The following PCDHA3 variants were observed in gnomAD, a reference collection of about 807,000 sequenced individuals.
The protein encoded by PCDHA3 is protocadherin alpha 3.
PCDHA3 carries 41 observed loss-of-function variants against 62.2 expected under a neutral mutation model. The ratio of observed to expected loss-of-function variants is 0.66; its 90% CI spans 0.51 to 0.86. The LOEUF is 0.86. Among genes scored for constraint, PCDHA3 ranks in the 40% least tolerant of loss-of-function variants. The pLI, the probability that PCDHA3 is intolerant of heterozygous loss-of-function variation, is 0.00. For synonymous variants in PCDHA3, 640 were observed against 555.4 expected (o/e 1.15, Z -2.14); for missense variants, 1,304 against 1,241.2 (o/e 1.05, Z -0.76).
chr5:140,890,739 C>T (rs1202760840), intron 1 of PCDHA3, among the ~76,000 whole-genome samples: 1 of 152,112 alleles, frequency 6.6e-6, no homozygotes, highest in Non-Finnish European at 1.5e-5. Flanking sequence ...GACTTATATA[C>T]TATTTCTGTC....
At chr5:140,870,568 G>T (rs1554164428) in intron 1 of PCDHA3, 2 of 1,613,870 alleles carry the variant, frequency 1.2e-6, no homozygotes, top group African/African-American at 1.3e-5. Context: ...GAACGCGCTG[G>T]TGTCCTACTC....
At chr5:140,959,373 CA>C (rs1243465116) in intron 1 of PCDHA3, among the ~76,000 whole-genome samples, 26 of 145,126 alleles carry the variant, frequency 1.8e-4, no homozygotes, top group South Asian at 2.2e-4. Flanking sequence ...GACCCTGTCT[CA>C]AAAAAAAAAG....
At chr5:140,833,459 T>TAA (rs1554133849) in intron 1 of PCDHA3, among the ~76,000 whole-genome samples, 3 of 152,166 alleles carry the variant, frequency 2.0e-5, no homozygotes, top group Non-Finnish European at 4.4e-5. Flanking sequence ...TAAAATAAAC[T>TAA]TACATTTTAA....
intron 3 of PCDHA3, among the ~76,000 whole-genome samples, chr5:141,005,998 G>A (rs1289174174): frequency 1.3e-5 from 2 of 151,618 alleles, no homozygotes; most frequent in Non-Finnish European, 2.9e-5. Flanking sequence ...GGATCTGAAA[G>A]AAGGCCTGTA....
At chr5:140,814,652 A>C (rs1002175357) in intron 1 of PCDHA3, 2 of 152,004 alleles carry the variant, frequency 1.3e-5, no homozygotes, top group African/African-American at 2.4e-5. Context: ...TTACACCAAC[A>C]TCACCACAAA....
chr5:140,829,379 G>T (rs150962684), intron 1 of PCDHA3: 1 of 1,614,184 alleles, frequency 6.2e-7, no homozygotes, highest in Non-Finnish European at 8.5e-7. Context: ...CGCGCGGGAC[G>T]GGGGCTCGCC....
intron 1 of PCDHA3, among the ~76,000 whole-genome samples, chr5:140,896,910 T>C (rs1174063416): frequency 1.3e-5 from 2 of 152,208 alleles, no homozygotes; most frequent in Non-Finnish European, 2.9e-5. Context: ...AAGCATGCAA[T>C]GCACAATAAT....
intron 1 of PCDHA3, among the ~76,000 whole-genome samples, chr5:140,838,763 C>A (rs1486404457): frequency 6.6e-6 from 1 of 151,830 alleles, no homozygotes; most frequent in Non-Finnish European, 1.5e-5. Context: ...TTTGTAGAGA[C>A]TTTGTAAAAT....
At chr5:140,970,960 G>T (rs3776114) in intron 1 of PCDHA3, among the ~76,000 whole-genome samples, 54,597 of 152,034 alleles carry the variant, frequency 0.36, 10,036 homozygotes, top group Admixed American at 0.46. Context: ...ATGGGAGGCA[G>T]ATTGTAGATT....
intron 3 of PCDHA3, among the ~76,000 whole-genome samples, chr5:141,006,406 G>T (rs553100919): frequency 6.6e-6 from 1 of 151,932 alleles, no homozygotes; most frequent in African/African-American, 2.4e-5. Flanking sequence ...GTAGAGACGC[G>T]GTTTCACTGT....
intron 1 of PCDHA3, among the ~76,000 whole-genome samples, chr5:140,924,369 G>A (rs2081798645): frequency 6.6e-6 from 1 of 152,144 alleles, no homozygotes; most frequent in Admixed American, 6.5e-5. Context: ...AGGCAAACTA[G>A]CCAAGGGGTA....
chr5:140,968,373 C>T (rs1554230649), intron 1 of PCDHA3: 1 of 1,614,034 alleles, frequency 6.2e-7, no homozygotes, highest in African/African-American at 1.3e-5. Context: ...GCTGTCAACT[C>T]CTTTGACTAT....
intron 1 of PCDHA3, among the ~76,000 whole-genome samples, chr5:140,971,488 A>AG (rs1338536132): frequency 1.3e-5 from 2 of 152,222 alleles, no homozygotes; most frequent in African/African-American, 4.8e-5. Flanking sequence ...ACATTGTTAC[A>AG]GTGTGGCAAG....
At chr5:140,849,965 G>C (rs2150460683) in intron 1 of PCDHA3, 1 of 1,597,882 alleles carries the variant, frequency 6.3e-7, no homozygotes, top group East Asian at 2.2e-5. Context: ...ACGCCCTGGT[G>C]TCCTACTCGC....
At chr5:140,883,911 A>G (rs2059884661) in intron 1 of PCDHA3, 2 of 1,613,034 alleles carry the variant, frequency 1.2e-6, no homozygotes, top group Non-Finnish European at 8.5e-7. Flanking sequence ...CTGGGCAGCA[A>G]CGTGACGCTG....
At chr5:140,916,647 C>T (rs2077666767) in intron 1 of PCDHA3, among the ~76,000 whole-genome samples, 1 of 152,180 alleles carries the variant, frequency 6.6e-6, no homozygotes, top group African/African-American at 2.4e-5. Context: ...TGTGGCTGAG[C>T]TGGTATCCAA....
At chr5:140,946,631 T>TATACAC (rs57893927) in intron 1 of PCDHA3, among the ~76,000 whole-genome samples, 2 of 131,842 alleles carry the variant, frequency 1.5e-5, no homozygotes, top group Non-Finnish European at 3.1e-5. Flanking sequence ...TATATATATA[T>TATACAC]ACAATGGAAT....
At chr5:140,932,113 T>G (rs2088043197) in intron 1 of PCDHA3, among the ~76,000 whole-genome samples, 1 of 151,918 alleles carries the variant, frequency 6.6e-6, no homozygotes, top group South Asian at 2.1e-4. Flanking sequence ...TATTTCCAAT[T>G]GATAATATTT....
intron 1 of PCDHA3, chr5:140,860,013 G>T (rs1218796590): frequency 6.6e-6 from 1 of 151,942 alleles, no homozygotes; most frequent in African/African-American, 2.4e-5. Flanking sequence ...TTAAGGCCAG[G>T]CATGGTGGCT....
Sources: allele counts gnomAD v4.1 joint callset (sites outside exome capture counted in the v4.1 genomes callset), GRCh38; gene constraint gnomAD v4.1.1; transcripts MANE v1.5; gene names NCBI Gene and HGNC (gene_info 2026-07-23, HGNC 2026-07-21).